Variants in ATP8A2 observed in about 807,000 individuals in gnomAD.
ATP8A2 encodes the protein phospholipid-transporting ATPase IB.
In ATP8A2, 100 loss-of-function variants were observed where a neutral mutation model predicts 165.6. The ratio of observed to expected loss-of-function variants is 0.60; its 90% CI spans 0.51 to 0.71. ATP8A2 has a LOEUF of 0.71. ATP8A2 is among the 30% of genes least tolerant of loss of function. The probability of loss-of-function intolerance (pLI) is 0.00; values close to 1 mark genes in which losing one functional copy is unlikely to be tolerated. For missense variants in ATP8A2, 1,227 were observed against 1,479.5 expected (o/e 0.83, Z 2.80); for synonymous variants, 543 against 548.8 (o/e 0.99, Z 0.15).
At position 25,376,926 on chromosome 13, in the gene ATP8A2, C is replaced by T. The variant is rs922345997; in HGVS notation, c.76+4638C>T. Among the ~76,000 whole-genome samples the T allele has an allele frequency of 7.2e-4, 110 of 152,182 alleles. 1 individual carries two copies. The highest frequency in any genetic ancestry group is 2.9e-4 in the Non-Finnish European group (20 of 68,044). ...TCTGATTCTGGACAGAGTGTTCATC[C>T]TGTAGTGGCTCTGAAGGTCATCACC... On this transcript the variant is annotated intron_variant, in intron 1 of 36. Coordinates refer to ENST00000381655, the MANE Select transcript of ATP8A2 (RefSeq NM_016529.6).
intron 27 of ATP8A2, among the ~76,000 whole-genome samples, chr13:25,776,617 G>T (rs1243908851): frequency 1.3e-5 from 2 of 152,094 alleles, no homozygotes; most frequent in African/African-American, 4.8e-5. Context: ...ACTTAAAGGT[G>T]TTTGTCCCCC....
intron 14 of ATP8A2, among the ~76,000 whole-genome samples, chr13:25,559,478 G>A (rs1428409715): frequency 6.6e-6 from 1 of 152,202 alleles, no homozygotes; most frequent in African/African-American, 2.4e-5. Flanking sequence ...GTTGCAGTGA[G>A]CCGGAATTGC....
At chr13:26,018,609 C>T (rs1203956052) in intron 36 of ATP8A2, among the ~76,000 whole-genome samples, 1 of 152,192 alleles carries the variant, frequency 6.6e-6, no homozygotes, top group Non-Finnish European at 1.5e-5. Flanking sequence ...AGACCCCTGA[C>T]ACAGAAGGGT....
intron 27 of ATP8A2, among the ~76,000 whole-genome samples, chr13:25,806,181 C>G (rs1186014793): frequency 6.6e-6 from 1 of 152,096 alleles, no homozygotes; most frequent in Non-Finnish European, 1.5e-5. Context: ...GGCGGGAGAA[C>G]AGCTCTCAAA....
rs111664747 is a variant in ATP8A2, at chr13:25,466,762, G to C, written c.77-2215G>C. 4.8e-3 allele frequency among the ~76,000 whole-genome samples: 724 copies of C among 152,300 alleles called. 5 individuals are homozygous for C. The highest frequency in any genetic ancestry group is 0.017 in the African/African-American group (704 of 41,568). On this transcript the variant is annotated intron_variant, in intron 1 of 36. Coordinates refer to ENST00000381655, the MANE Select transcript of ATP8A2 (RefSeq NM_016529.6). ...ACAGGGGAACTGAGAGCCGCTAGGT[G>C]AGCAATGAACCACTTTGACCACGCA...
chr13:25,942,884 A>G (rs1955108661), intron 33 of ATP8A2, among the ~76,000 whole-genome samples: 1 of 152,208 alleles, frequency 6.6e-6, no homozygotes, highest in African/African-American at 2.4e-5. Context: ...TGTGGTACAA[A>G]GTAGGTCCTG....
intron 36 of ATP8A2, among the ~76,000 whole-genome samples, chr13:26,014,782 C>G (rs891645140): frequency 6.6e-6 from 1 of 152,078 alleles, no homozygotes; most frequent in Non-Finnish European, 1.5e-5. Flanking sequence ...CTGCCATTAG[C>G]TGAATAATTT....
chr13:25,634,606 T>G (rs1035499476), intron 24 of ATP8A2, among the ~76,000 whole-genome samples: 4 of 152,186 alleles, frequency 2.6e-5, no homozygotes, highest in African/African-American at 9.7e-5. Context: ...AGTTTTCTTT[T>G]AAATGGATCT....
chr13:25,476,413 C>T (rs529481827), intron 2 of ATP8A2, among the ~76,000 whole-genome samples: 5 of 152,010 alleles, frequency 3.3e-5, no homozygotes, highest in Middle Eastern at 3.4e-3. Context: ...CTCAGACTCT[C>T]GAGTAGCTGC....
intron 1 of ATP8A2, among the ~76,000 whole-genome samples, chr13:25,420,880 A>G (rs1218177635): frequency 1.3e-5 from 2 of 152,202 alleles, no homozygotes; most frequent in African/African-American, 4.8e-5. Context: ...TAAATGACAA[A>G]TTTAAGGTTT....
chr13:25,820,307 G>A (rs1462712382), intron 27 of ATP8A2, among the ~76,000 whole-genome samples: 2 of 152,130 alleles, frequency 1.3e-5, no homozygotes, highest in Admixed American at 1.3e-4. Flanking sequence ...CTACATTTGA[G>A]GACCAAAAAC....
intron 24 of ATP8A2, among the ~76,000 whole-genome samples, chr13:25,696,818 A>G (rs975878612): frequency 6.6e-6 from 1 of 152,190 alleles, no homozygotes; most frequent in African/African-American, 2.4e-5. Flanking sequence ...TCCTTCAAGA[A>G]CTTTTCCTAT....
chr13:25,594,699 G>C (rs1020235451), intron 24 of ATP8A2, among the ~76,000 whole-genome samples: 2 of 151,986 alleles, frequency 1.3e-5, no homozygotes, highest in Non-Finnish European at 2.9e-5. Flanking sequence ...TACTTCACTT[G>C]GAATAATAGT....
chr13:25,874,408 C>T (rs1451357334), intron 33 of ATP8A2, among the ~76,000 whole-genome samples: 2 of 152,198 alleles, frequency 1.3e-5, no homozygotes, highest in African/African-American at 4.8e-5. Flanking sequence ...CATCCTGGAC[C>T]TACGTGCTCC....
intron 1 of ATP8A2, among the ~76,000 whole-genome samples, chr13:25,424,053 C>A (rs1029539412): frequency 6.6e-6 from 1 of 152,060 alleles, no homozygotes; most frequent in Non-Finnish European, 1.5e-5. Flanking sequence ...AAATTGTCGG[C>A]ACACGGTGTC....
intron 35 of ATP8A2, among the ~76,000 whole-genome samples, chr13:25,972,558 T>G (rs925335823): frequency 5.3e-5 from 8 of 152,206 alleles, no homozygotes; most frequent in African/African-American, 1.9e-4. Context: ...CTGTTGGGGT[T>G]GATCAGAATA....
At chr13:25,545,584 C>G (rs1210583085) in intron 10 of ATP8A2, among the ~76,000 whole-genome samples, 2 of 152,138 alleles carry the variant, frequency 1.3e-5, no homozygotes, top group Non-Finnish European at 1.5e-5. Context: ...GTAACCCTTG[C>G]TGCACGCTTT....
At chr13:25,584,082 A>G (rs1212750857) in intron 23 of ATP8A2, among the ~76,000 whole-genome samples, 2 of 152,186 alleles carry the variant, frequency 1.3e-5, no homozygotes, top group East Asian at 1.9e-4. Flanking sequence ...CAGCTAGACA[A>G]TTGATTTCTT....
chr13:25,696,361 A>G (rs2042834431), intron 24 of ATP8A2, among the ~76,000 whole-genome samples: 1 of 152,224 alleles, frequency 6.6e-6, no homozygotes, highest in Admixed American at 6.5e-5. Context: ...GAGTCAGCCT[A>G]TCCTTTGACA....
Sources: gnomAD v4.1 joint callset for allele counts (sites outside exome capture counted in the v4.1 genomes callset) on GRCh38, gnomAD v4.1.1 for gene constraint, MANE v1.5 for transcripts, NCBI Gene and HGNC (gene_info 2026-07-23, HGNC 2026-07-21) for gene names.